The following SH3RF3 variants were observed in gnomAD, a reference collection of about 807,000 sequenced individuals.
SH3RF3 encodes E3 ubiquitin-protein ligase SH3RF3.
Under a neutral mutation model 66.3 loss-of-function variants are expected in SH3RF3, and 29 were observed. The ratio of observed to expected loss-of-function variants is 0.44; its 90% CI spans 0.33 to 0.60. The LOEUF (loss-of-function observed/expected upper bound fraction) is 0.60, where lower values mean the gene tolerates loss of function less well. Ranked by LOEUF, SH3RF3 falls within the 20% of genes least tolerant of loss-of-function variation. The pLI is 0.04. For missense variants in SH3RF3, 1,194 were observed against 1,190.9 expected (o/e 1.00, Z -0.04); for synonymous variants, 583 against 532.0 (o/e 1.10, Z -1.32).
chr2:109,232,849 C>T (rs1170890856), intron 1 of SH3RF3, among the ~76,000 whole-genome samples: 1 of 152,152 alleles, frequency 6.6e-6, no homozygotes, highest in Non-Finnish European at 1.5e-5. Flanking sequence ...TATCGAGGTT[C>T]AATTTATACA....
intron 3 of SH3RF3, among the ~76,000 whole-genome samples, chr2:109,376,482 A>T (rs184991703): frequency 6.6e-6 from 1 of 152,288 alleles, no homozygotes; most frequent in Admixed American, 6.5e-5. Context: ...TACGCCAGTG[A>T]TTCTCGTCTG....
chr2:109,248,877 TTCCTG>T (rs776713967), intron 1 of SH3RF3, among the ~76,000 whole-genome samples: 1 of 76,734 alleles, frequency 1.3e-5, no homozygotes, highest in Non-Finnish European at 2.6e-5. Flanking sequence ...TTCCTTTCCT[TTCCTG>T]TCCTTTCCTG....
chr2:109,231,866 T>C (rs1007311929), intron 1 of SH3RF3, among the ~76,000 whole-genome samples: 1 of 152,266 alleles, frequency 6.6e-6, no homozygotes, highest in Non-Finnish European at 1.5e-5. Context: ...AACAGCTTTA[T>C]TGAGATGTAA....
intron 1 of SH3RF3, among the ~76,000 whole-genome samples, chr2:109,238,498 TGA>T (rs1270158111): frequency 9.9e-5 from 13 of 131,516 alleles, no homozygotes; most frequent in South Asian, 5.0e-4. Context: ...TGTGTGTGTG[TGA>T]GAGTGAGACA....
intron 9 of SH3RF3, among the ~76,000 whole-genome samples, chr2:109,497,605 C>CA (rs1558647087): frequency 6.6e-6 from 1 of 152,196 alleles, no homozygotes. Context: ...CAGCTGCTGA[C>CA]ACGGACACGA....
At chr2:109,254,926 A>G (rs1680183813) in intron 1 of SH3RF3, among the ~76,000 whole-genome samples, 1 of 152,170 alleles carries the variant, frequency 6.6e-6, no homozygotes, top group African/African-American at 2.4e-5. Flanking sequence ...TGGTCTCAAA[A>G]GCTAGAAAAA....
chr2:109,499,646 C>T (rs1207803019), intron 9 of SH3RF3, among the ~76,000 whole-genome samples: 2 of 152,194 alleles, frequency 1.3e-5, no homozygotes, highest in Admixed American at 6.5e-5. Context: ...CCAACTGGTT[C>T]GTCCTTGGCA....
intron 1 of SH3RF3, among the ~76,000 whole-genome samples, chr2:109,170,239 TTTCTTTTCTCTTCTCTTCTC>T (rs1397003383): frequency 0.14 from 18,491 of 133,154 alleles, 1,888 homozygotes; most frequent in Middle Eastern, 0.18. Flanking sequence ...CTTCTCTTCT[TTTCTTTTCTCTTCTCTTCTC>T]TTCTCTTCTC....
intron 8 of SH3RF3, among the ~76,000 whole-genome samples, chr2:109,473,351 A>G (rs1164402957): frequency 1.3e-5 from 2 of 152,284 alleles, no homozygotes; most frequent in East Asian, 3.9e-4. Context: ...ACCAAGCACA[A>G]GTTGACATCG....
chr2:109,284,875 C>G (rs1421606502), intron 1 of SH3RF3, among the ~76,000 whole-genome samples: 1 of 152,182 alleles, frequency 6.6e-6, no homozygotes, highest in Non-Finnish European at 1.5e-5. Flanking sequence ...TGCTCTTGAA[C>G]GTGCTGACTT....
chr2:109,291,280 CTTT>C (rs11295870), intron 1 of SH3RF3, among the ~76,000 whole-genome samples: 51 of 137,198 alleles, frequency 3.7e-4, no homozygotes, highest in Admixed American at 5.1e-4. Flanking sequence ...AGAGTAATCT[CTTT>C]TTTTTTTTTT....
intron 4 of SH3RF3, among the ~76,000 whole-genome samples, chr2:109,410,801 G>A (rs973097058): frequency 3.9e-5 from 6 of 152,212 alleles, no homozygotes; most frequent in Non-Finnish European, 8.8e-5. Flanking sequence ...GCTGCTAGGC[G>A]CGACTTCGTG....
intron 1 of SH3RF3, among the ~76,000 whole-genome samples, chr2:109,142,497 G>A (rs1328308259): frequency 6.6e-6 from 1 of 152,184 alleles, no homozygotes; most frequent in African/African-American, 2.4e-5. Flanking sequence ...CAGGCACAGC[G>A]GCCGAGAGTG....
chr2:109,491,666 A>G (rs1439495327), intron 9 of SH3RF3, among the ~76,000 whole-genome samples: 1 of 152,146 alleles, frequency 6.6e-6, no homozygotes. Flanking sequence ...TCCATCCTAA[A>G]AGGGCTCTCA....
rs1210532019 is a variant in SH3RF3, at chr2:109,280,878, G to A, written c.574-66796G>A. On this transcript the variant is annotated intron_variant, in intron 1 of 9. Coordinates refer to ENST00000309415, the MANE Select transcript of SH3RF3 (RefSeq NM_001099289.3). ...CATTATTGCATACCGTGTCTAATAA[G>A]CCTGCAGAAGTGGGTGCATTATCCT... 2.6e-5 allele frequency among the ~76,000 whole-genome samples: 4 copies of A among 152,296 alleles called. No homozygotes were observed. The East Asian group carries it at 7.7e-4, about 29-fold the overall frequency.
At chr2:109,459,147 T>G (rs1189598812) in intron 8 of SH3RF3, among the ~76,000 whole-genome samples, 1 of 152,088 alleles carries the variant, frequency 6.6e-6, no homozygotes, top group Non-Finnish European at 1.5e-5. Context: ...AATACTATCA[T>G]ATAATAATCA....
intron 1 of SH3RF3, among the ~76,000 whole-genome samples, chr2:109,184,459 G>A (rs1678141493): frequency 6.6e-6 from 1 of 152,324 alleles, no homozygotes; most frequent in East Asian, 1.9e-4. Context: ...CCCTGGGGGA[G>A]CTCTGGTCCC....
intron 1 of SH3RF3, among the ~76,000 whole-genome samples, chr2:109,195,111 T>G (rs1678464229): frequency 6.6e-6 from 1 of 152,194 alleles, no homozygotes; most frequent in African/African-American, 2.4e-5. Context: ...TACACCTATA[T>G]TTGTAGCTGG....
chr2:109,153,264 A>C (rs1303069506), intron 1 of SH3RF3, among the ~76,000 whole-genome samples: 1 of 152,228 alleles, frequency 6.6e-6, no homozygotes, highest in Non-Finnish European at 1.5e-5. Context: ...TAATTCTTGA[A>C]GGGAATGTAG....
Sources: allele counts gnomAD v4.1 joint callset (sites outside exome capture counted in the v4.1 genomes callset), GRCh38; gene constraint gnomAD v4.1.1; transcripts MANE v1.5; gene names NCBI Gene and HGNC (gene_info 2026-07-23, HGNC 2026-07-21).